Variants in CFAP70 observed in about 807,000 individuals in gnomAD.
CFAP70 encodes the protein cilia- and flagella-associated protein 70.
CFAP70 carries 81 observed loss-of-function variants against 137.6 expected under a neutral mutation model. That is an observed-to-expected ratio of 0.59 (90% CI 0.49 to 0.71). The LOEUF (loss-of-function observed/expected upper bound fraction) is 0.71, where lower values mean the gene tolerates loss of function less well. Ranked by LOEUF, CFAP70 falls within the 30% of genes least tolerant of loss-of-function variation. CFAP70 has a pLI of 0.00. For missense variants in CFAP70, 976 were observed against 1,226.7 expected, an observed-to-expected ratio of 0.80 and a Z score of 3.05; for synonymous variants, 382 against 423.6, an observed-to-expected ratio of 0.90 and a Z score of 1.20.
At chr10:73,259,379 T>C (rs774765242) in intron 25 of CFAP70, among the ~76,000 whole-genome samples, 10 of 152,218 alleles carry the variant, frequency 6.6e-5, no homozygotes, top group Non-Finnish European at 8.8e-5. Context: ...GACACAGAGC[T>C]TCTTCTCATA....
At chr10:73,298,814 C>T in intron 14 of CFAP70, 93 bp downstream of exon 15, 1 of 1,177,360 alleles carries the variant, frequency 8.5e-7, no homozygotes. Flanking sequence ...AAGAGTATAG[C>T]TGAACATAAT....
chr10:73,315,955 A>G (rs2050302125), intron 9 of CFAP70, among the ~76,000 whole-genome samples: 1 of 152,088 alleles, frequency 6.6e-6, no homozygotes, highest in South Asian at 2.1e-4. Flanking sequence ...TCTCCTTTCA[A>G]TTCTGTTGGG....
chr10:73,354,043 G>A (rs191318126), intron 2 of CFAP70, among the ~76,000 whole-genome samples: 400 of 152,106 alleles, frequency 2.6e-3, no homozygotes, highest in African/African-American at 8.5e-3. Context: ...GTTTTGAGAC[G>A]GAGTCTCGCT....
At chr10:73,341,464 T>A in exon 6 of CFAP70, 2 of 1,614,204 alleles carry the variant, frequency 1.2e-6, no homozygotes, top group East Asian at 4.5e-5. Flanking sequence ...GCATCAGGAA[T>A]GTTATTAGCT....
chr10:73,262,068 TG>T (rs35924534), intron 25 of CFAP70, among the ~76,000 whole-genome samples: 14,964 of 146,224 alleles, frequency 0.1, 1,108 homozygotes, highest in East Asian at 0.28. Flanking sequence ...TATGTATATA[TG>T]TATATATTAT....
intron 6 of CFAP70, among the ~76,000 whole-genome samples, chr10:73,338,132 T>C (rs555333961): frequency 4.0e-5 from 6 of 151,318 alleles, no homozygotes; most frequent in Non-Finnish European, 5.9e-5. Context: ...GGTCCACTTA[T>C]ATATATGCGG....
intron 21 of CFAP70, chr10:73,276,443 C>T (rs1564768989): frequency 6.6e-6 from 1 of 152,088 alleles, no homozygotes; most frequent in Non-Finnish European, 1.5e-5. Context: ...TTCCACCTGC[C>T]TTCTGGGTCT....
At chr10:73,315,216 CA>C (rs58468801) in intron 9 of CFAP70, among the ~76,000 whole-genome samples, 724 of 64,066 alleles carry the variant, frequency 0.011, 1 homozygote, top group Middle Eastern at 0.027. Context: ...GACCCCATCT[CA>C]AAAAAAAAAA....
chr10:73,286,445 A>AAAACAAAC (rs556349043), intron 19 of CFAP70, among the ~76,000 whole-genome samples: 1 of 152,150 alleles, frequency 6.6e-6, no homozygotes, highest in Non-Finnish European at 1.5e-5. Context: ...CACCGTCTCA[A>AAAACAAAC]AAACAAACAA....
In CFAP70 at chr10:73,312,459, T is replaced by C; in HGVS notation, c.1083+14A>G. ...AATCTAAGAGGCAAAATCATCACCT[T>C]CTCAACAACCTACCACATCCCCAGG... On this transcript the variant is annotated intron_variant, in intron 10 of 26. Transcript: ENST00000310715. 2 of 1,565,130 alleles carry C rather than the reference T, an allele frequency of 1.3e-6. No homozygotes were observed. Among genetic ancestry groups the C allele is most frequent in the Non-Finnish European group, 1.7e-6 (2 of 1,159,096 alleles).
chr10:73,306,838 C>T (rs927945452), intron 12 of CFAP70, among the ~76,000 whole-genome samples: 24 of 152,180 alleles, frequency 1.6e-4, no homozygotes, highest in African/African-American at 4.1e-4. Context: ...TCATAAGGAA[C>T]GCTAAAGGGA....
chr10:73,291,599 A>C, intron 18 of CFAP70, 41 bp downstream of exon 19: 1 of 1,563,112 alleles, frequency 6.4e-7, no homozygotes, highest in East Asian at 2.3e-5. Flanking sequence ...AAAATCTTAT[A>C]ATGGGGAGAA....
chr10:73,316,499 T>C (rs894903915), intron 9 of CFAP70, among the ~76,000 whole-genome samples: 2 of 136,166 alleles, frequency 1.5e-5, no homozygotes, highest in Non-Finnish European at 3.1e-5. Context: ...TATATATATA[T>C]ATATATATAT....
upstream of CFAP70, among the ~76,000 whole-genome samples, chr10:73,362,238 A>G (rs1354608476): frequency 2.6e-5 from 4 of 152,198 alleles, no homozygotes; most frequent in Admixed American, 2.0e-4. Flanking sequence ...CTTACCTCAC[A>G]CCATATACAA....
At chr10:73,349,987 T>C (rs1247023960) in intron 3 of CFAP70, among the ~76,000 whole-genome samples, 1 of 152,228 alleles carries the variant, frequency 6.6e-6, no homozygotes, top group African/African-American at 2.4e-5. Context: ...ATAATAGCAT[T>C]AAATAATTCC....
intron 15 of CFAP70, chr10:73,294,893 G>C (rs1379834292): frequency 1.3e-5 from 2 of 152,118 alleles, no homozygotes; most frequent in Non-Finnish European, 2.9e-5. Context: ...TTAAATTCTT[G>C]GTCCTTTCCC....
intron 25 of CFAP70, 149 bp downstream of exon 26, chr10:73,269,465 C>A: frequency 2.0e-6 from 1 of 512,126 alleles, no homozygotes; most frequent in Non-Finnish European, 3.5e-6. Flanking sequence ...CCAGACTTGG[C>A]CCTTCCTTTG....
chr10:73,272,977 C>G, exon 24 of CFAP70: 1 of 1,552,850 alleles, frequency 6.4e-7, no homozygotes, highest in South Asian at 1.2e-5. Flanking sequence ...TGAAGGTGAT[C>G]TCTTACAGGC....
intron 12 of CFAP70, among the ~76,000 whole-genome samples, chr10:73,309,658 A>ATTTTTTTTTTTTTTTTTTTT (rs60294953): frequency 7.3e-6 from 1 of 136,422 alleles, no homozygotes; most frequent in East Asian, 2.3e-4. Context: ...TTTCCTAAGA[A>ATTTTTTTTTTTTTTTTTTTT]TTTTTTTTTT....
Sources: allele counts gnomAD v4.1 joint callset (sites outside exome capture counted in the v4.1 genomes callset), GRCh38; gene constraint gnomAD v4.1.1; transcripts MANE v1.5; gene names NCBI Gene and HGNC (gene_info 2026-07-23, HGNC 2026-07-21).